Variants in HERC6 observed in about 807,000 individuals in gnomAD.
The protein encoded by HERC6 is probable E3 ubiquitin-protein ligase HERC6.
A neutral mutation model predicts 114.5 loss-of-function variants in HERC6; 101 were observed. That is an observed-to-expected ratio of 0.88 (90% CI 0.75 to 1.04). HERC6 has a LOEUF of 1.04. Among genes scored for constraint, HERC6 ranks in the 50% least tolerant of loss-of-function variants. HERC6 has a pLI of 0.00. For missense variants in HERC6, 1,133 were observed against 1,230.9 expected, an observed-to-expected ratio of 0.92 and a Z score of 1.19; for synonymous variants, 408 against 436.2, an observed-to-expected ratio of 0.94 and a Z score of 0.81.
intron 14 of HERC6, 35 bp from the exon 15 acceptor site, chr4:88,424,560 A>C: frequency 6.9e-7 from 1 of 1,449,270 alleles, no homozygotes; most frequent in South Asian, 1.2e-5. Flanking sequence ...CATTGTTTTT[A>C]ATTATCAAAA....
rs1553920025 is a variant in HERC6 at position 88,443,026 on chromosome 4, C to A, written c.*566C>A. The A allele has an allele frequency of 6.4e-6, 1 of 156,590 alleles. No individual in the cohort carries two copies. Among genetic ancestry groups the A allele is most frequent in the South Asian group, 1.9e-4 (1 of 5,196 alleles). The allele number at this position is 156,590 out of a possible 1,614,324, so 9.7% of individuals were successfully genotyped here. On this transcript the variant is annotated 3_prime_UTR_variant, in exon 23 of 23. Coordinates refer to ENST00000264346, the MANE Select transcript of HERC6 (RefSeq NM_017912.4). ...GCCACTTGCTCTAGCCCACTCCCACCCTGTGGAATGTACTTTCACTTTTGC... is the reference window on the plus strand; with the variant it reads ...GCCACTTGCTCTAGCCCACTCCCACACTGTGGAATGTACTTTCACTTTTGC...
intron 15 of HERC6, 92 bp downstream of exon 15, chr4:88,424,794 A>G (rs1473048536): frequency 2.8e-6 from 2 of 722,756 alleles, no homozygotes; most frequent in East Asian, 3.0e-5. Flanking sequence ...AGATTCAGCA[A>G]TTGTCAACAT....
At chr4:88,430,835 T>C (rs1738123881) in intron 16 of HERC6, among the ~76,000 whole-genome samples, 1 of 152,130 alleles carries the variant, frequency 6.6e-6, no homozygotes, top group African/African-American at 2.4e-5. Context: ...TCAGGGAATT[T>C]AGGGGCCCAC....
chr4:88,421,452 T>C (rs1045866669), intron 13 of HERC6, among the ~76,000 whole-genome samples: 10 of 107,096 alleles, frequency 9.3e-5, no homozygotes, highest in Non-Finnish European at 1.6e-4. Flanking sequence ...TTTTCTTTTC[T>C]TTTTTTTTTT....
At chr4:88,432,720 C>G (rs2149000763) in intron 17 of HERC6, among the ~76,000 whole-genome samples, 1 of 151,344 alleles carries the variant, frequency 6.6e-6, no homozygotes, top group Admixed American at 6.6e-5. Flanking sequence ...CAGAGTGATA[C>G]TCTGTTTCAA....
chr4:88,415,419 C>T (rs1736388170), intron 12 of HERC6, among the ~76,000 whole-genome samples: 1 of 152,074 alleles, frequency 6.6e-6, no homozygotes, highest in Admixed American at 6.6e-5. Flanking sequence ...GATATTTTGC[C>T]AAATGACCCT....
At chr4:88,397,563 G>T (rs1489168389) in intron 7 of HERC6, among the ~76,000 whole-genome samples, 1 of 151,892 alleles carries the variant, frequency 6.6e-6, no homozygotes, top group Non-Finnish European at 1.5e-5. Flanking sequence ...CGGGCGTGGT[G>T]GTGCAAGCCT....
chr4:88,412,783 C>T lies in HERC6; in HGVS notation c.1369-294C>T, dbSNP rs868319992. 5.3e-5 allele frequency among the ~76,000 whole-genome samples: 8 copies of T among 152,236 alleles called. No individual in the cohort carries two copies. The South Asian group carries it at 1.2e-3, about 24-fold the overall frequency. On this transcript the variant is annotated intron_variant, in intron 11 of 22. Transcript: ENST00000264346. ...TGCATACAACATTGCTTTTGAAGGG[C>T]TTTGTATTCGTTTTGAATCCATAAT... is the stretch of plus-strand genomic sequence containing the variant.
chr4:88,382,654 T>C (rs1190195849), intron 1 of HERC6, among the ~76,000 whole-genome samples: 1 of 152,202 alleles, frequency 6.6e-6, no homozygotes, highest in Non-Finnish European at 1.5e-5. Flanking sequence ...TAAGAGTCAA[T>C]TTGAACATTC....
Position 88,378,870 on chromosome 4 carries a change from G to A in HERC6, c.-52G>A, listed in dbSNP as rs1578359450. On this transcript the variant is annotated 5_prime_UTR_variant, in exon 1 of 23. Coordinates refer to ENST00000264346, the MANE Select transcript of HERC6 (RefSeq NM_017912.4). ...CCCAGTCACCAGCGTTCGGGAGCCT[G>A]TCGCAGCGGGACCGACGGAATCCGG... is the stretch of plus-strand genomic sequence containing the variant. 2.7e-6 allele frequency: 4 copies of A among 1,489,604 alleles called. No individual in the cohort carries two copies. The highest frequency in any genetic ancestry group is 3.6e-6 in the Non-Finnish European group (4 of 1,111,454). The allele number at this position is 1,489,604 out of a possible 1,614,324, so 92.3% of individuals were successfully genotyped here.
At chr4:88,393,830 A>G (rs188379334) in intron 5 of HERC6, among the ~76,000 whole-genome samples, 99 of 152,312 alleles carry the variant, frequency 6.5e-4, no homozygotes, top group African/African-American at 2.2e-3. Flanking sequence ...CACAGATACC[A>G]TATTTTCACT....
At chr4:88,402,634 G>A (rs186598519) in intron 8 of HERC6, among the ~76,000 whole-genome samples, 1 of 152,332 alleles carries the variant, frequency 6.6e-6, no homozygotes, top group Admixed American at 6.5e-5. Flanking sequence ...CAGGAAGGGT[G>A]ACCATGGGAA....
At chr4:88,440,544 G>T in intron 22 of HERC6, 1 of 307,346 alleles carries the variant, frequency 3.3e-6, no homozygotes, top group Non-Finnish European at 6.0e-6. Flanking sequence ...TGAGGAGGTG[G>T]TGTCTGATCT....
At position 88,393,469 on chromosome 4, in the gene HERC6, T is replaced by A. The variant is rs780016342; in HGVS notation, c.665-19T>A. 2.0e-6 allele frequency: 3 copies of A among 1,519,994 alleles called. No homozygotes were observed. Among genetic ancestry groups the A allele is most frequent in the Non-Finnish European group, 2.7e-6 (3 of 1,101,274 alleles). The allele number at this position is 1,519,994 out of a possible 1,614,324, so 94.2% of individuals were successfully genotyped here. ...GAGTCTGTTTCTTATACTCTAGAGATTCTGCTTTCTTTCAACAGTGCAAAG... is the reference window on the plus strand; with the variant it reads ...GAGTCTGTTTCTTATACTCTAGAGAATCTGCTTTCTTTCAACAGTGCAAAG... On this transcript the variant is annotated intron_variant, in intron 4 of 22. Transcript: ENST00000264346.
rs779514322 is a variant in HERC6 at position 88,396,054 on chromosome 4, C to T, written c.799C>T (p.Gln267Ter). 6.2e-7 allele frequency: 1 copy of T among 1,607,910 alleles called. No individual in the cohort carries two copies. The highest frequency in any genetic ancestry group is 1.3e-5 in the African/African-American group (1 of 74,720). The change falls in exon 6 of 23, where the codon CAG (glutamine) becomes TAG (stop). Residue 267 changes from glutamine to a stop codon, truncating the protein, a stop_gained. Transcript: ENST00000264346. LOFTEE classifies it high-confidence loss of function. ...VFTFGDNRSG[Q>*]LGYSPTPEKR... ...CACATTTGGAGACAATCGCTCTGGA[C>T]AGCTGGGATACAGCCCCACTCCTGA...
At position 88,439,994 on chromosome 4, in the gene HERC6, C is replaced by A. The variant is rs1739181231; in HGVS notation, c.2676C>A (p.Tyr892Ter). Residue 892 changes from tyrosine (Y) to a stop codon, truncating the protein, a stop_gained, in exon 21 of 23, where the codon TAC (tyrosine) becomes TAA (stop). Transcript: ENST00000264346. LOFTEE classifies it high-confidence loss of function. ...VCEKEILRHF[Y>*]PEELMTAIIG... ...AGAAGGAGATACTTAGACATTTCTA[C>A]CCTGAAGAACTAATGACAGCAATCA... 1 of 1,611,874 alleles carries A rather than the reference C, an allele frequency of 6.2e-7. No homozygotes were observed. The highest frequency in any genetic ancestry group is 1.7e-5 in the Admixed American group (1 of 59,610).
At chr4:88,404,798 T>C (rs1051144743) in intron 8 of HERC6, 78 bp from the exon 9 acceptor site, 2 of 1,550,816 alleles carry the variant, frequency 1.3e-6, no homozygotes, top group Non-Finnish European at 8.7e-7. Flanking sequence ...TTACCACCCA[T>C]GCCAGGTGAT....
At chr4:88,419,853 T>A (rs1175493292) in intron 13 of HERC6, among the ~76,000 whole-genome samples, 1 of 152,194 alleles carries the variant, frequency 6.6e-6, no homozygotes, top group East Asian at 1.9e-4. Flanking sequence ...AAGACTATAT[T>A]TGTTTTACTA....
chr4:88,424,258 G>C (rs1024109143), intron 14 of HERC6, among the ~76,000 whole-genome samples: 2 of 152,186 alleles, frequency 1.3e-5, no homozygotes, highest in African/African-American at 4.8e-5. Context: ...AGGCCAAGGT[G>C]AGCAGATTGC....
Sources: gnomAD v4.1 joint callset for allele counts (sites outside exome capture counted in the v4.1 genomes callset) on GRCh38, gnomAD v4.1.1 for gene constraint, MANE v1.5 for transcripts, NCBI Gene and HGNC (gene_info 2026-07-23, HGNC 2026-07-21) for gene names.